The following TAF2 variants were observed in gnomAD, a reference collection of about 807,000 sequenced individuals.
TAF2 encodes the protein transcription initiation factor TFIID subunit 2.
TAF2 carries 61 observed loss-of-function variants against 138.5 expected under a neutral mutation model. The observed-to-expected ratio is 0.44, with a 90% CI of 0.36 to 0.54. The LOEUF (loss-of-function observed/expected upper bound fraction) is 0.54, where lower values mean the gene tolerates loss of function less well. Among genes scored for constraint, TAF2 ranks in the 20% least tolerant of loss-of-function variants. TAF2 has a pLI of 0.00. For synonymous variants in TAF2, 475 were observed against 469.9 expected (o/e 1.01, Z -0.14); for missense variants, 1,090 against 1,427.9 (o/e 0.76, Z 3.81).
At chr8:119,799,602 C>T (rs1461005266) in intron 6 of TAF2, among the ~76,000 whole-genome samples, 1 of 152,186 alleles carries the variant, frequency 6.6e-6, no homozygotes, top group Non-Finnish European at 1.5e-5. Context: ...AATAGTGCTG[C>T]AATAAACACA....
chr8:119,801,587 C>T (rs1350358098), intron 6 of TAF2, among the ~76,000 whole-genome samples: 3 of 152,000 alleles, frequency 2.0e-5, no homozygotes, highest in African/African-American at 7.2e-5. Flanking sequence ...CACCACCACG[C>T]CTGGCTAATT....
rs188189796 is a variant in TAF2, at chr8:119,795,778, C to G, written c.1092-147G>C. 1,225 of 789,060 alleles carry G rather than the reference C, an allele frequency of 1.6e-3. 2 individuals are homozygous for G. The highest frequency in any genetic ancestry group is 2.8e-3 in the Middle Eastern group (8 of 2,822). The allele number at this position is 789,060 out of a possible 1,614,324, so 48.9% of individuals were successfully genotyped here. On this transcript the variant is annotated intron_variant, in intron 8 of 25. Coordinates refer to ENST00000378164, the MANE Select transcript of TAF2 (RefSeq NM_003184.4). ...ATTAACAAATTATCAGGTTTCCCAA[C>G]TTCCTCTGAGTTCTACTTGCCCATT...
intron 15 of TAF2, among the ~76,000 whole-genome samples, chr8:119,784,896 T>C (rs1281776617): frequency 6.6e-6 from 1 of 152,128 alleles, no homozygotes; most frequent in Non-Finnish European, 1.5e-5. Flanking sequence ...ATGCACATTA[T>C]AGTCTGAGCA....
intron 2 of TAF2, among the ~76,000 whole-genome samples, chr8:119,820,930 A>T (rs905205086): frequency 2.6e-5 from 4 of 152,242 alleles, no homozygotes; most frequent in Non-Finnish European, 5.9e-5. Flanking sequence ...CCTTTTAATT[A>T]GCATATCTGT....
chr8:119,780,244 T>C (rs1822548316), intron 17 of TAF2, among the ~76,000 whole-genome samples: 1 of 152,148 alleles, frequency 6.6e-6, no homozygotes. Flanking sequence ...CCTAAAACAA[T>C]GACTCTAACC....
At chr8:119,794,986 A>G (rs1823717626) in intron 9 of TAF2, among the ~76,000 whole-genome samples, 1 of 152,230 alleles carries the variant, frequency 6.6e-6, no homozygotes, top group Middle Eastern at 3.4e-3. Flanking sequence ...TATGACCACA[A>G]TGTGCTAAGT....
intron 2 of TAF2, among the ~76,000 whole-genome samples, chr8:119,823,210 G>C (rs1825897522): frequency 6.6e-6 from 1 of 152,106 alleles, no homozygotes; most frequent in Non-Finnish European, 1.5e-5. Flanking sequence ...CTTCAAAAGA[G>C]AAATTCTTGA....
chr8:119,760,432 C>T (rs59261392), intron 20 of TAF2, 167 bp downstream of exon 20: 2 of 773,318 alleles, frequency 2.6e-6, no homozygotes, highest in Admixed American at 3.0e-5. Flanking sequence ...TTTATTAACT[C>T]TTATGTGAAT....
chr8:119,732,093 C>T lies in TAF2; in HGVS notation c.3431G>A (p.Ser1144Asn). ...ATGGTGATGGTGGTGATGGTGGTCA[C>T]TGTGTTTGGAGGCTGTAGATTCCTT... ...FTKESTASKHSDHHHHHHHEH... is the reference protein window; with the variant it reads ...FTKESTASKHNDHHHHHHHEH... The change falls in exon 26 of 26, where the codon AGT becomes AAT. Residue 1144 changes from serine to asparagine, a missense_variant. Physicochemically the swap from Ser to Asn is conservative, Grantham distance 46 (BLOSUM62 1). This residue lies in a region of TAF2 where 580 missense variants were observed against 719.6 expected (regional missense o/e 0.81). Transcript: ENST00000378164. 2 of 1,614,076 alleles carry T rather than the reference C, an allele frequency of 1.2e-6. No homozygotes were observed. The highest frequency in any genetic ancestry group is 1.7e-6 in the Non-Finnish European group (2 of 1,180,012).
At chr8:119,814,612 G>A (rs981771790) in intron 3 of TAF2, among the ~76,000 whole-genome samples, 4 of 151,966 alleles carry the variant, frequency 2.6e-5, no homozygotes, top group East Asian at 3.9e-4. Context: ...AGGGCTTCTC[G>A]GCTGGATGTG....
intron 2 of TAF2, among the ~76,000 whole-genome samples, chr8:119,829,533 G>GTGTGTGTGTATATATA (rs1826308536): frequency 6.6e-6 from 1 of 151,470 alleles, no homozygotes; most frequent in East Asian, 1.9e-4. Flanking sequence ...GTGTGTGTGA[G>GTGTGTGTGTATATATA]TGTGTGTGTA....
At chr8:119,744,851 G>C (rs533850670) in intron 23 of TAF2, 2 of 455,270 alleles carry the variant, frequency 4.4e-6, no homozygotes, top group Non-Finnish European at 8.8e-6. Flanking sequence ...ATCCTACACT[G>C]TTAATACAGG....
chr8:119,827,363 C>T (rs997069470), intron 2 of TAF2, among the ~76,000 whole-genome samples: 36 of 152,190 alleles, frequency 2.4e-4, no homozygotes, highest in African/African-American at 7.7e-4. Context: ...CTCTCACCAT[C>T]CTTTATCTGC....
At chr8:119,736,895 T>C (rs1819257401) in intron 25 of TAF2, among the ~76,000 whole-genome samples, 1 of 152,090 alleles carries the variant, frequency 6.6e-6, no homozygotes, top group Non-Finnish European at 1.5e-5. Flanking sequence ...ACATCATGGG[T>C]ATAAAATTAA....
Position 119,742,640 on chromosome 8 carries a change from C to A in TAF2, c.3231G>T (p.Arg1077=). ...TTAAAGCAGATCGGGAGCTAGCTGGCCGATATTTCGAGAGCCCTAAAATGC... is the reference window on the plus strand; with the variant it reads ...TTAAAGCAGATCGGGAGCTAGCTGGACGATATTTCGAGAGCCCTAAAATGC... The part of the protein sequence containing the change: ...RPSTPGLSKY[R]PASSRSALIP... The change falls in exon 25 of 26, where the codon CGG becomes CGT. Residue 1077 remains arginine (R), a synonymous_variant. Transcript: ENST00000378164. 6.2e-7 allele frequency: 1 copy of A among 1,613,662 alleles called. No individual in the cohort carries two copies. Among genetic ancestry groups the A allele is most frequent in the African/African-American group, 1.3e-5 (1 of 74,920 alleles).
At chr8:119,813,830 T>C (rs1201539705) in intron 3 of TAF2, among the ~76,000 whole-genome samples, 2 of 151,934 alleles carry the variant, frequency 1.3e-5, no homozygotes, top group Non-Finnish European at 1.5e-5. Context: ...TAAAATATAA[T>C]GAGGACCAAG....
In TAF2 at chr8:119,747,630, T is replaced by C. The variant is rs16893091; in HGVS notation, c.2879-696A>G. Among the ~76,000 whole-genome samples, 565 of 152,246 alleles carry C rather than the reference T, an allele frequency of 3.7e-3. 3 individuals are homozygous for C. Among genetic ancestry groups the C allele is most frequent in the African/African-American group, 6.5e-3 (271 of 41,526 alleles). ...CACAGCAATGACAGATCAGAGCACA[T>C]TGATACCAGGGTTTTCCCGCCTTCC... On this transcript the variant is annotated intron_variant, in intron 22 of 25. Coordinates refer to ENST00000378164, the MANE Select transcript of TAF2 (RefSeq NM_003184.4).
intron 18 of TAF2, among the ~76,000 whole-genome samples, chr8:119,768,164 G>A (rs909079701): frequency 2.0e-5 from 3 of 152,178 alleles, no homozygotes; most frequent in Admixed American, 1.3e-4. Flanking sequence ...GCCCTTCTGA[G>A]AGCCCATGCT....
In TAF2 at chr8:119,762,433, C is replaced by T; in HGVS notation, c.2540G>A (p.Arg847Lys). The T allele has an allele frequency of 6.2e-7, 1 of 1,613,778 alleles. No homozygotes were observed. The highest frequency in any genetic ancestry group is 8.5e-7 in the Non-Finnish European group (1 of 1,179,856). The change falls in exon 19 of 26, where the codon AGG becomes AAG. Residue 847 changes from arginine (R) to lysine (K), a missense_variant. By Grantham distance (26) the Arg-to-Lys change is conservative. This residue lies in a region of TAF2 where 580 missense variants were observed against 719.6 expected (regional missense o/e 0.81). Coordinates refer to ENST00000378164, the MANE Select transcript of TAF2 (RefSeq NM_003184.4). ...ATCATACCTGACAGTGATGGTATGC[C>T]TGTAACTCGGAAGAAGTTTTTCCAT... is the stretch of plus-strand genomic sequence containing the variant. Reference protein sequence around the residue: ...LNMEKLLPSYRHTITVSCLRA... With the variant: ...LNMEKLLPSYKHTITVSCLRA...
Sources: gnomAD v4.1 joint callset for allele counts (sites outside exome capture counted in the v4.1 genomes callset) on GRCh38, gnomAD v4.1.1 for gene constraint, gnomAD v4.1.1 regional missense constraint, MANE v1.5 for transcripts, NCBI Gene and HGNC (gene_info 2026-07-23, HGNC 2026-07-21) for gene names.